The following POU2F2 variants were observed in gnomAD, a reference collection of about 807,000 sequenced individuals.
POU2F2 encodes POU domain, class 2, transcription factor 2.
Under a neutral mutation model 63.5 loss-of-function variants are expected in POU2F2, and 14 were observed. That is an observed-to-expected ratio of 0.22 (90% CI 0.15 to 0.34). The LOEUF is 0.34. Ranked by LOEUF, POU2F2 falls within the 10% of genes least tolerant of loss-of-function variation. POU2F2 has a pLI of 1.00. For synonymous variants in POU2F2, 306 were observed against 348.6 expected, an observed-to-expected ratio of 0.88 and a Z score of 1.36; for missense variants, 607 against 815.2, an observed-to-expected ratio of 0.74 and a Z score of 3.11.
intron 2 of POU2F2, among the ~76,000 whole-genome samples, chr19:42,144,469 C>T (rs1170097776): frequency 6.6e-6 from 1 of 152,244 alleles, no homozygotes; most frequent in Non-Finnish European, 1.5e-5. Flanking sequence ...TCAGCCTGGG[C>T]AAGCGCCTCT....
At chr19:42,157,186 A>G (rs931648268) in intron 2 of POU2F2, 3 of 152,244 alleles carry the variant, frequency 2.0e-5, no homozygotes, top group African/African-American at 7.2e-5. Context: ...CCCAATAGTG[A>G]GTAGGAGCCC....
Position 42,089,127 on chromosome 19 carries a change from C to T in POU2F2, c.*2130G>A, listed in dbSNP as rs2076636857. On this transcript the variant is annotated 3_prime_UTR_variant, in exon 15 of 15. Transcript: ENST00000692977. The stretch of plus-strand genomic sequence containing the variant: ...GCCACACTACGGCTGTCAGGCCCCA[C>T]CCTGATTTCAATGGCTCGTGTCCTT... 2.6e-5 allele frequency: 4 copies of T among 152,694 alleles called. 1 individual carries two copies. The South Asian group carries it at 8.3e-4, about 32-fold the overall frequency. The allele number at this position is 152,694 out of a possible 1,614,324, so 9.5% of individuals were successfully genotyped here. A position where few individuals can be genotyped will look rare whatever the true frequency, so the allele number is the denominator to read the frequency against.
chr19:42,187,329 G>A (rs147956370), intron 1 of POU2F2, among the ~76,000 whole-genome samples: 1 of 151,946 alleles, frequency 6.6e-6, no homozygotes, highest in Non-Finnish European at 1.5e-5. Flanking sequence ...GTCGGGCGTG[G>A]TGGAGGGTGC....
intron 1 of POU2F2, among the ~76,000 whole-genome samples, chr19:42,164,578 A>T (rs1021091961): frequency 5.3e-5 from 8 of 152,130 alleles, no homozygotes; most frequent in South Asian, 4.2e-4. Flanking sequence ...CTCAAAAAAA[A>T]AAAAAATCTG....
chr19:42,097,864 G>T (rs1250152351), intron 7 of POU2F2, among the ~76,000 whole-genome samples: 1 of 152,190 alleles, frequency 6.6e-6, no homozygotes, highest in Non-Finnish European at 1.5e-5. Context: ...CAAATGTATT[G>T]TGTAGTGATG....
chr19:42,096,068 A>C lies in POU2F2; in HGVS notation c.729+14T>G. ...CCCCACGCCCACCGCCCAGCCTGCA[A>C]GGTGCCTCCAGACCTGCGTGAAGCC... is the stretch of plus-strand genomic sequence containing the variant. On this transcript the variant is annotated intron_variant, in intron 8 of 14. Coordinates refer to ENST00000692977, the MANE Select transcript of POU2F2 (RefSeq NM_001394376.1). This position sits in a 1 kb window ranked among gnomAD's most constrained non-coding sequence, Gnocchi z 4.1. 1.2e-6 allele frequency: 2 copies of C among 1,612,974 alleles called. No homozygotes were observed. Among genetic ancestry groups the C allele is most frequent in the Non-Finnish European group, 1.7e-6 (2 of 1,179,470 alleles).
In POU2F2 at chr19:42,117,514, G is replaced by A; in HGVS notation, c.187-82C>T. ...GAGCAGACTGGGGTGTGGACATGAG[G>A]GTGCAGTCTGTGGTCCTGCACTGAC... On this transcript the variant is annotated intron_variant, in intron 4 of 14. Transcript: ENST00000692977. This position sits in a 1 kb window ranked among gnomAD's most constrained non-coding sequence, Gnocchi z 4.4. The A allele has an allele frequency of 3.0e-6, 2 of 669,236 alleles. No individual in the cohort carries two copies. Among genetic ancestry groups the A allele is most frequent in the East Asian group, 2.9e-5 (1 of 34,696 alleles). 41.5% of individuals were successfully genotyped at this position (669,236 alleles called of 1,614,324 possible). A position where few individuals can be genotyped will look rare whatever the true frequency, so the allele number is the denominator to read the frequency against.
At chr19:42,129,232 A>G (rs1353206567) in intron 1 of POU2F2, among the ~76,000 whole-genome samples, 2 of 152,094 alleles carry the variant, frequency 1.3e-5, no homozygotes, top group African/African-American at 4.8e-5. Context: ...ATGTATGGCT[A>G]TTCCCACCCC....
At chr19:42,103,583 A>C (rs1356515742) in intron 5 of POU2F2, among the ~76,000 whole-genome samples, 3 of 151,912 alleles carry the variant, frequency 2.0e-5, no homozygotes, top group Non-Finnish European at 4.4e-5. Context: ...GGAAGTGAAC[A>C]AACTGGGAAA....
rs754312658 is a variant in POU2F2, at chr19:42,096,195, G to A, written c.616C>T (p.Pro206Ser). 1 of 1,612,870 alleles carries A rather than the reference G, an allele frequency of 6.2e-7. No individual in the cohort carries two copies. Among genetic ancestry groups the A allele is most frequent in the South Asian group, 1.1e-5 (1 of 90,962 alleles). ...GATGGTGGCTCCAAGCATTTGGGGG[G>A]CTGCGGGTGCGAGAGGTGCGGGTCG... ...LPDPHLSHPQ[P>S]PKCLEPPSHP... The change falls in exon 8 of 15, where the codon CCC (proline) becomes TCC (serine). Residue 206 changes from proline to serine, a missense_variant. Pro to Ser is a moderately conservative substitution (Grantham distance 74). Transcript: ENST00000692977. The surrounding 1 kb of genome is among the most constrained non-coding windows in gnomAD (Gnocchi z 4.1).
chr19:42,159,073 C>T (rs1273181524), intron 2 of POU2F2, among the ~76,000 whole-genome samples: 1 of 152,144 alleles, frequency 6.6e-6, no homozygotes, highest in East Asian at 1.9e-4. Flanking sequence ...CTGGGAGAAG[C>T]TCTATACTGT....
intron 1 of POU2F2, among the ~76,000 whole-genome samples, chr19:42,163,456 G>A (rs1421160314): frequency 6.6e-6 from 1 of 152,220 alleles, no homozygotes; most frequent in Non-Finnish European, 1.5e-5. Context: ...GGGGGCAGCG[G>A]AAGGGATGAG....
intron 2 of POU2F2, among the ~76,000 whole-genome samples, chr19:42,143,965 G>T (rs2034180900): frequency 6.6e-6 from 1 of 152,046 alleles, no homozygotes. Context: ...CGTGTCACGT[G>T]CTTGTTTATT....
upstream of POU2F2, chr19:42,177,019 C>G (rs1229743148): frequency 2.8e-5 from 2 of 70,188 alleles, no homozygotes; most frequent in African/African-American, 1.0e-4. Context: ...GCGGCGCGGG[C>G]GGGCGGGCGG....
rs1417152879 is a variant in POU2F2 at position 42,091,206 on chromosome 19, A to C, written c.*51T>G. Reference sequence around the variant, plus strand: ...TGGCCTCCTCGCCCTCTTCCCAGGCAAGGGACCAAGGCAGGGACCAGAGGA... The same window carrying C: ...TGGCCTCCTCGCCCTCTTCCCAGGCCAGGGACCAAGGCAGGGACCAGAGGA... On this transcript the variant is annotated 3_prime_UTR_variant, in exon 15 of 15. Coordinates refer to ENST00000692977, the MANE Select transcript of POU2F2 (RefSeq NM_001394376.1). 95 of 1,468,328 alleles carry C rather than the reference A, an allele frequency of 6.5e-5. No individual in the cohort carries two copies. Among genetic ancestry groups the C allele is most frequent in the Non-Finnish European group, 8.6e-5 (95 of 1,107,390 alleles). 91.0% of individuals were successfully genotyped at this position (1,468,328 alleles called of 1,614,324 possible).
chr19:42,190,884 A>AT (rs1314447129), intron 1 of POU2F2, among the ~76,000 whole-genome samples: 2 of 152,010 alleles, frequency 1.3e-5, no homozygotes, highest in Non-Finnish European at 2.9e-5. Context: ...GGTAAAGTGG[A>AT]TTTTAGCATA....
rs940333006 is a variant in POU2F2 at position 42,172,504 on chromosome 19, C to T, written c.-70+3459G>A. The stretch of plus-strand genomic sequence containing the variant: ...ACCACCTTCAGCCTCCTTCCGAATG[C>T]GTCAGAGCTGGGAAAGCTGCCTGTC... On this transcript the variant is annotated intron_variant, in intron 1 of 6. Coordinates refer to the POU2F2 transcript ENST00000524801. 3.3e-5 allele frequency among the ~76,000 whole-genome samples: 5 copies of T among 152,296 alleles called. No individual in the cohort carries two copies. The South Asian group carries it at 8.3e-4, about 25-fold the overall frequency.
chr19:42,122,559 G>C lies in POU2F2; in HGVS notation c.46C>G (p.Pro16Ala). 6.3e-7 allele frequency: 1 copy of C among 1,593,586 alleles called. No homozygotes were observed. Among genetic ancestry groups the C allele is most frequent in the Non-Finnish European group, 8.5e-7 (1 of 1,170,568 alleles). The change falls in exon 2 of 15, where the codon CCC (proline) becomes GCC (alanine). Residue 16 changes from proline to alanine, a missense_variant. Transcript: ENST00000692977. ...AGACCTTGCTTCTCGGCCTCCAGGGGCTTAGACATTCTTATTTCTGGGGAC... is the reference window on the plus strand; with the variant it reads ...AGACCTTGCTTCTCGGCCTCCAGGGCCTTAGACATTCTTATTTCTGGGGAC... ...MGAPEIRMSK[P>A]LEAEKQGLDS...
intron 5 of POU2F2, among the ~76,000 whole-genome samples, chr19:42,116,306 T>A (rs1192773583): frequency 6.6e-6 from 1 of 152,174 alleles, no homozygotes. Flanking sequence ...GGGGACACGA[T>A]GAGGGTAGGG....
Sources: allele counts gnomAD v4.1 joint callset (sites outside exome capture counted in the v4.1 genomes callset), GRCh38; gene constraint gnomAD v4.1.1; non-coding constraint Gnocchi (gnomAD v3.1); transcripts MANE v1.5; gene names NCBI Gene and HGNC (gene_info 2026-07-23, HGNC 2026-07-21).